The following PDGFC variants were observed in gnomAD, a reference collection of about 807,000 sequenced individuals.
PDGFC encodes the protein platelet derived growth factor C.
In PDGFC, 12 loss-of-function variants were observed where a neutral mutation model predicts 35.5. The observed-to-expected ratio is 0.34, with a 90% CI of 0.22 to 0.55. The LOEUF is 0.55. Ranked by LOEUF, PDGFC falls within the 20% of genes least tolerant of loss-of-function variation. PDGFC has a pLI of 0.91. For missense variants in PDGFC, 322 were observed against 412.4 expected (o/e 0.78, Z 1.90); for synonymous variants, 159 against 148.8 (o/e 1.07, Z -0.50).
chr4:156,773,012 G>C (rs1730730209), intron 3 of PDGFC, 119 bp from the exon 4 acceptor site: 2 of 657,318 alleles, frequency 3.0e-6, no homozygotes, highest in Middle Eastern at 2.9e-4. Context: ...AAATTGTATT[G>C]AATCCAATTA....
At chr4:156,845,212 A>G (rs1560838012) in intron 2 of PDGFC, among the ~76,000 whole-genome samples, 1 of 151,778 alleles carries the variant, frequency 6.6e-6, no homozygotes, top group South Asian at 2.1e-4. Context: ...AAAATACCAC[A>G]TTATCAAAAT....
intron 1 of PDGFC, among the ~76,000 whole-genome samples, chr4:156,857,699 A>G (rs1196618796): frequency 6.6e-6 from 1 of 152,110 alleles, no homozygotes. Flanking sequence ...GACCCTAGCC[A>G]GAAGTATTCC....
At chr4:156,837,867 A>G (rs900503437) in intron 2 of PDGFC, among the ~76,000 whole-genome samples, 2 of 152,204 alleles carry the variant, frequency 1.3e-5, no homozygotes, top group African/African-American at 2.4e-5. Context: ...GTTGATTTTG[A>G]ACATTTCAAA....
intron 1 of PDGFC, among the ~76,000 whole-genome samples, chr4:156,914,734 G>A (rs959017912): frequency 1.3e-5 from 2 of 152,140 alleles, no homozygotes; most frequent in African/African-American, 2.4e-5. Flanking sequence ...AAAACCTGGT[G>A]ATTTCTAAAA....
rs1343511532 is a variant in PDGFC, at chr4:156,761,090, G to A, written c.*2000C>T. On this transcript the variant is annotated 3_prime_UTR_variant, in exon 6 of 6. Transcript: ENST00000502773. ...AAGCACAGGAAAAGGGTGCTTGCCT[G>A]AAGAGCAGTCTGAAGACAGAAGGCC... 1 of 152,222 alleles carries A rather than the reference G, an allele frequency of 6.6e-6. No individual in the cohort carries two copies. Among genetic ancestry groups the A allele is most frequent in the African/African-American group, 2.4e-5 (1 of 41,444 alleles). The allele number at this position is 152,222 out of a possible 1,614,324, so 9.4% of individuals were successfully genotyped here. A position where few individuals can be genotyped will look rare whatever the true frequency, so the allele number is the denominator to read the frequency against.
At chr4:156,917,905 A>G (rs1386034455) in intron 1 of PDGFC, among the ~76,000 whole-genome samples, 1 of 152,352 alleles carries the variant, frequency 6.6e-6, no homozygotes, top group East Asian at 1.9e-4. Context: ...TTCAACATTC[A>G]GGAGACATTT....
intron 1 of PDGFC, among the ~76,000 whole-genome samples, chr4:156,927,041 C>T (rs1183463064): frequency 6.6e-6 from 1 of 152,204 alleles, no homozygotes; most frequent in Non-Finnish European, 1.5e-5. Context: ...GGCTTCTGCA[C>T]ACATGCAGGC....
chr4:156,803,755 T>C (rs1731680342), intron 3 of PDGFC, among the ~76,000 whole-genome samples: 1 of 152,086 alleles, frequency 6.6e-6, no homozygotes, highest in Non-Finnish European at 1.5e-5. Flanking sequence ...ATGTAAAAAA[T>C]GTATATAGAA....
intron 1 of PDGFC, among the ~76,000 whole-genome samples, chr4:156,966,711 G>A (rs1363555798): frequency 6.6e-6 from 1 of 152,176 alleles, no homozygotes; most frequent in Non-Finnish European, 1.5e-5. Flanking sequence ...AGAGGTCGTA[G>A]AAGAGATGGC....
At chr4:156,824,507 C>T (rs10049582) in intron 2 of PDGFC, among the ~76,000 whole-genome samples, 8,993 of 151,572 alleles carry the variant, frequency 0.059, 878 homozygotes, top group African/African-American at 0.21. Context: ...ATATTGAGTA[C>T]TTAATTTTTG....
intron 3 of PDGFC, among the ~76,000 whole-genome samples, chr4:156,786,841 G>A (rs1289292769): frequency 6.6e-6 from 1 of 152,182 alleles, no homozygotes; most frequent in Non-Finnish European, 1.5e-5. Context: ...GGAGCTATTG[G>A]AGAGTTTCAA....
intron 1 of PDGFC, among the ~76,000 whole-genome samples, chr4:156,856,326 AAGAAATAACCAAAAATTATAT>A (rs1729580619): frequency 6.6e-6 from 1 of 152,180 alleles, no homozygotes; most frequent in Admixed American, 6.6e-5. Context: ...TCCTGAAGTT[AAGAAATAACCAAAAATTATAT>A]AATGAGAACC....
Position 156,761,269 on chromosome 4 carries a change from C to T in PDGFC, c.*1821G>A, listed in dbSNP as rs1015231331. The T allele has an allele frequency of 6.6e-6, 1 of 152,182 alleles. No individual in the cohort carries two copies. Among genetic ancestry groups the T allele is most frequent in the African/African-American group, 2.4e-5 (1 of 41,444 alleles). 9.4% of individuals were successfully genotyped at this position (152,182 alleles called of 1,614,324 possible). The stretch of plus-strand genomic sequence containing the variant: ...TGCACCAAATCAATTTATGCTCACC[C>T]CATTTAGTAGTTGCCAGTGACAATG... On this transcript the variant is annotated 3_prime_UTR_variant, in exon 6 of 6. Coordinates refer to ENST00000502773, the MANE Select transcript of PDGFC (RefSeq NM_016205.3).
At chr4:156,861,638 A>C (rs966102068) in intron 1 of PDGFC, 6 of 311,528 alleles carry the variant, frequency 1.9e-5, no homozygotes, top group Admixed American at 1.6e-4. Flanking sequence ...TGACTATCTG[A>C]GTCAGTCAAT....
chr4:156,767,092 G>C (rs899693662), intron 5 of PDGFC, among the ~76,000 whole-genome samples: 3 of 152,040 alleles, frequency 2.0e-5, no homozygotes, highest in Non-Finnish European at 4.4e-5. Context: ...ATAGAATGAT[G>C]CTGTATGATG....
chr4:156,921,231 G>A (rs148820653), intron 1 of PDGFC, among the ~76,000 whole-genome samples: 8 of 152,234 alleles, frequency 5.3e-5, no homozygotes, highest in African/African-American at 9.6e-5. Flanking sequence ...AGGAACTGCC[G>A]CATGCGTGAA....
intron 1 of PDGFC, among the ~76,000 whole-genome samples, chr4:156,923,762 A>C (rs1731343196): frequency 6.6e-6 from 1 of 152,186 alleles, no homozygotes; most frequent in African/African-American, 2.4e-5. Context: ...ATCAGTGAGA[A>C]AATATCTATT....
intron 3 of PDGFC, among the ~76,000 whole-genome samples, chr4:156,786,298 T>C (rs1302471111): frequency 1.3e-5 from 2 of 152,140 alleles, no homozygotes; most frequent in Non-Finnish European, 2.9e-5. Flanking sequence ...ATAATGCACA[T>C]ACAATGTTAG....
chr4:156,948,938 G>GA (rs1261417509), intron 1 of PDGFC, among the ~76,000 whole-genome samples: 1 of 151,916 alleles, frequency 6.6e-6, no homozygotes, highest in Non-Finnish European at 1.5e-5. Flanking sequence ...TTTCTCATGG[G>GA]AGGTTTATTG....
Sources: allele counts gnomAD v4.1 joint callset (sites outside exome capture counted in the v4.1 genomes callset), GRCh38; gene constraint gnomAD v4.1.1; transcripts MANE v1.5; gene names NCBI Gene and HGNC (gene_info 2026-07-23, HGNC 2026-07-21).